The following MIS18BP1 variants were observed in gnomAD, a reference collection of about 807,000 sequenced individuals.
MIS18BP1 encodes the protein MIS18 binding protein 1.
A neutral mutation model predicts 116.1 loss-of-function variants in MIS18BP1; 72 were observed. The ratio of observed to expected loss-of-function variants is 0.62; its 90% confidence interval spans 0.51 to 0.75. The LOEUF (loss-of-function observed/expected upper bound fraction) is 0.75, where lower values mean the gene tolerates loss of function less well. Ranked by LOEUF, MIS18BP1 falls within the 30% of genes least tolerant of loss-of-function variation. The pLI is 0.00. For synonymous variants in MIS18BP1, 386 were observed against 427.0 expected (o/e 0.90, Z 1.18); for missense variants, 1,363 against 1,303.2 (o/e 1.05, Z -0.71).
At position 45,224,028 on chromosome 14, in the gene MIS18BP1, T is replaced by C; in HGVS notation, c.2559A>G (p.Pro853=). 6.2e-7 allele frequency: 1 copy of C among 1,613,878 alleles called. No homozygotes were observed. Among genetic ancestry groups the C allele is most frequent in the African/African-American group, 1.3e-5 (1 of 75,048 alleles). The change falls in exon 11 of 17, where the codon CCA becomes CCG. Residue 853 remains proline (P), a synonymous_variant. Coordinates refer to ENST00000310806, the MANE Select transcript of MIS18BP1 (RefSeq NM_018353.5). ...LQKSGVRKEF[P]ITEAVGSDKT... ...TATCAGATCCTACTGCCTCAGTAAT[T>C]GGAAACTCTTTCCTAACACCAGACT...
intron 13 of MIS18BP1, among the ~76,000 whole-genome samples, chr14:45,212,383 G>A (rs1478518232): frequency 6.6e-6 from 1 of 152,108 alleles, no homozygotes. Flanking sequence ...ACCTTGACTG[G>A]TGACTTGCAG....
At chr14:45,208,765 T>C (rs1010187595) in intron 14 of MIS18BP1, among the ~76,000 whole-genome samples, 5 of 152,226 alleles carry the variant, frequency 3.3e-5, no homozygotes, top group Admixed American at 2.6e-4. Flanking sequence ...AGGAAAATTA[T>C]ATTTTTATCC....
chr14:45,231,490 T>C (rs1243083198), intron 7 of MIS18BP1, 192 bp from the exon 8 acceptor site: 1 of 474,322 alleles, frequency 2.1e-6, no homozygotes, highest in African/African-American at 2.0e-5. Context: ...GTGTAACATC[T>C]TAAGTCAGAG....
At chr14:45,213,658 C>CA (rs1890736386) in intron 13 of MIS18BP1, among the ~76,000 whole-genome samples, 1 of 152,144 alleles carries the variant, frequency 6.6e-6, no homozygotes, top group Admixed American at 6.5e-5. Flanking sequence ...CAGAACAAAA[C>CA]AAAACTCTAA....
intron 8 of MIS18BP1, 32 bp from the exon 9 acceptor site, chr14:45,227,846 T>C (rs1412896411): frequency 1.0e-5 from 16 of 1,601,548 alleles, no homozygotes; most frequent in Non-Finnish European, 1.3e-5. Flanking sequence ...TTTCAATAAA[T>C]GGTTATATAA....
intron 11 of MIS18BP1, among the ~76,000 whole-genome samples, chr14:45,223,046 A>G (rs1891016262): frequency 6.6e-6 from 1 of 152,144 alleles, no homozygotes. Context: ...TTGCATGGGG[A>G]CTGAGTTAAG....
chr14:45,228,690 A>G (rs1400183253), intron 8 of MIS18BP1, among the ~76,000 whole-genome samples: 1 of 152,250 alleles, frequency 6.6e-6, no homozygotes, highest in African/African-American at 2.4e-5. Context: ...TATTCTTTAA[A>G]GATGTACTGA....
At chr14:45,220,390 C>T (rs577416710) in intron 11 of MIS18BP1, among the ~76,000 whole-genome samples, 1 of 152,208 alleles carries the variant, frequency 6.6e-6, no homozygotes, top group East Asian at 1.9e-4. Flanking sequence ...TGTCCCTACC[C>T]AAGACTCATA....
rs769409396 is a variant in MIS18BP1 at position 45,204,151 on chromosome 14, T to G, written c.3357A>C (p.Glu1119Asp). The part of the protein sequence containing the change: ...LFTNAVESLD[E>D]EEKDYYFSNS... The stretch of plus-strand genomic sequence containing the variant: ...TCGAAAAATAATAATCTTTCTCTTC[T>G]TCATCTAAAGATTCCACAGCATTAG... Residue 1119 changes from glutamate (E) to aspartate (D), a missense_variant, in exon 17 of 17, where the codon GAA (glutamate) becomes GAC (aspartate). Transcript: ENST00000310806. 6 of 1,611,636 alleles carry G rather than the reference T, an allele frequency of 3.7e-6. No homozygotes were observed. Among genetic ancestry groups the G allele is most frequent in the Middle Eastern group, 1.7e-4 (1 of 6,044 alleles).
intron 4 of MIS18BP1, among the ~76,000 whole-genome samples, chr14:45,238,332 T>A (rs1185989499): frequency 6.6e-6 from 1 of 152,168 alleles, no homozygotes; most frequent in Non-Finnish European, 1.5e-5. Context: ...ATAAATTTCA[T>A]AAAATTTAAG....
In MIS18BP1 at chr14:45,231,192, CTGTT is replaced by C; in HGVS notation, c.1539_1542del (p.Thr514IlefsTer19). Reference sequence around the variant, plus strand: ...GTGGTGGTGGCTCTTTGAGCAGTATCTGTTTGGTTTTCTCGTGCATCATTTTTCA... The same window carrying C: ...GTGGTGGTGGCTCTTTGAGCAGTATCTGGTTTTCTCGTGCATCATTTTTCA... On this transcript the variant is annotated frameshift_variant, in exon 8 of 17. Transcript: ENST00000310806. LOFTEE classifies it high-confidence loss of function. 6.2e-7 allele frequency: 1 copy of C among 1,613,980 alleles called. No homozygotes were observed. The highest frequency in any genetic ancestry group is 8.5e-7 in the Non-Finnish European group (1 of 1,179,942).
chr14:45,214,257 C>G (rs374516565), intron 13 of MIS18BP1, among the ~76,000 whole-genome samples: 1 of 152,158 alleles, frequency 6.6e-6, no homozygotes, highest in African/African-American at 2.4e-5. Context: ...GTGTAAAACC[C>G]GACTGTATGT....
At chr14:45,212,233 C>G (rs1890693902) in intron 13 of MIS18BP1, among the ~76,000 whole-genome samples, 1 of 152,080 alleles carries the variant, frequency 6.6e-6, no homozygotes, top group Non-Finnish European at 1.5e-5. Flanking sequence ...TGTGTATGGG[C>G]CCTAATCTCT....
At chr14:45,206,227 TTTAAG>T in intron 14 of MIS18BP1, 57 bp from the exon 15 acceptor site, 5 of 1,188,700 alleles carry the variant, frequency 4.2e-6, no homozygotes, top group Non-Finnish European at 6.1e-6. Context: ...ACCTAATAAT[TTTAAG>T]TTAACTGTCA....
intron 14 of MIS18BP1, among the ~76,000 whole-genome samples, chr14:45,206,738 C>T (rs968221469): frequency 2.0e-5 from 3 of 152,112 alleles, no homozygotes; most frequent in Admixed American, 1.3e-4. Context: ...CTTTGCTTAC[C>T]GTTCATTGTA....
At chr14:45,234,989 G>A (rs535139500) in intron 6 of MIS18BP1, among the ~76,000 whole-genome samples, 3 of 152,196 alleles carry the variant, frequency 2.0e-5, no homozygotes, top group East Asian at 1.9e-4. Flanking sequence ...AGGCTGAGGT[G>A]GGCAGATCAC....
chr14:45,237,226 T>C (rs1891454676), intron 5 of MIS18BP1, among the ~76,000 whole-genome samples: 2 of 152,188 alleles, frequency 1.3e-5, no homozygotes, highest in Admixed American at 1.3e-4. Context: ...TTACTTAATA[T>C]GTAGCCGTAT....
chr14:45,208,627 C>T (rs910090022), intron 14 of MIS18BP1, among the ~76,000 whole-genome samples: 1 of 151,972 alleles, frequency 6.6e-6, no homozygotes, highest in Non-Finnish European at 1.5e-5. Context: ...CTACCGCGCC[C>T]GGCCACGGAT....
At chr14:45,218,133 A>T in intron 12 of MIS18BP1, 149 bp downstream of exon 12, 1 of 891,530 alleles carries the variant, frequency 1.1e-6, no homozygotes, top group Non-Finnish European at 1.6e-6. Flanking sequence ...CTTAAAAATT[A>T]AACAGATGAT....
Sources: allele counts gnomAD v4.1 joint callset (sites outside exome capture counted in the v4.1 genomes callset), GRCh38; gene constraint gnomAD v4.1.1; transcripts MANE v1.5; gene names NCBI Gene and HGNC (gene_info 2026-07-23, HGNC 2026-07-21).